RIC1: variants seen among roughly 807,000 people sequenced by gnomAD.
RIC1 encodes the protein RIC1 partner of RAB6A GEF complex, also known as guanine nucleotide exchange factor subunit RIC1.
RIC1 carries 88 observed loss-of-function variants against 169.0 expected under a neutral mutation model. That is an observed-to-expected ratio of 0.52 (90% CI 0.44 to 0.62). RIC1 has a LOEUF of 0.62. Among genes scored for constraint, RIC1 ranks in the 20% least tolerant of loss-of-function variants. RIC1 has a pLI of 0.00. For synonymous variants in RIC1, 790 were observed against 601.5 expected (o/e 1.31, Z -4.59); for missense variants, 1,877 against 1,725.5 (o/e 1.09, Z -1.56).
At chr9:5,656,849 T>A (rs1445561441) in intron 2 of RIC1, among the ~76,000 whole-genome samples, 159 bp downstream of exon 2, 1 of 152,214 alleles carries the variant, frequency 6.6e-6, no homozygotes, top group African/African-American at 2.4e-5. Context: ...TGTGGATTAC[T>A]CCTACTATAG....
rs576908246 is a variant in RIC1 at position 5,725,263 on chromosome 9, G to A, written c.720+4513G>A. ...TGTTATTGGTCTATTCAGGGATTCA[G>A]CTTCTTCCTGGTTTAGTCTTGGGAG... On this transcript the variant is annotated intron_variant, in intron 6 of 25. Transcript: ENST00000414202. Among the ~76,000 whole-genome samples the A allele has an allele frequency of 4.9e-4, 75 of 152,182 alleles. No homozygotes were observed. The Middle Eastern group carries it at 0.01, about 21-fold the overall frequency.
intron 21 of RIC1, 124 bp downstream of exon 21, chr9:5,765,922 T>G (rs1826703396): frequency 8.1e-7 from 1 of 1,239,048 alleles, no homozygotes; most frequent in African/African-American, 1.5e-5. Context: ...CTTTTTCCAT[T>G]CCCAAAAAGC....
intron 3 of RIC1, among the ~76,000 whole-genome samples, chr9:5,699,299 C>T (rs1353594292): frequency 1.3e-5 from 2 of 152,184 alleles, no homozygotes; most frequent in Non-Finnish European, 2.9e-5. Context: ...TGCATGGCCC[C>T]AGTCTGAGCG....
intron 1 of RIC1, among the ~76,000 whole-genome samples, chr9:5,638,462 A>T (rs969467225): frequency 6.6e-6 from 1 of 152,188 alleles, no homozygotes; most frequent in Non-Finnish European, 1.5e-5. Context: ...CAGTGAAACC[A>T]CTAGGTCTTG....
At chr9:5,734,737 A>G (rs1295353833) in intron 7 of RIC1, among the ~76,000 whole-genome samples, 1 of 152,202 alleles carries the variant, frequency 6.6e-6, no homozygotes, top group African/African-American at 2.4e-5. Context: ...CTCACTTAGT[A>G]ACTGGTCAAC....
chr9:5,704,451 A>G (rs956662300), intron 3 of RIC1, among the ~76,000 whole-genome samples: 4 of 152,024 alleles, frequency 2.6e-5, no homozygotes, highest in Admixed American at 1.3e-4. Context: ...GGCTCAAGCA[A>G]TCCTCCTGTC....
chr9:5,729,153 A>C (rs984612006), intron 6 of RIC1, among the ~76,000 whole-genome samples: 2 of 152,172 alleles, frequency 1.3e-5, no homozygotes, highest in Non-Finnish European at 2.9e-5. Flanking sequence ...AGCGGGTCCA[A>C]ATTCAAGATG....
intron 1 of RIC1, among the ~76,000 whole-genome samples, chr9:5,636,841 T>C (rs562863233): frequency 6.6e-6 from 1 of 152,350 alleles, no homozygotes; most frequent in East Asian, 1.9e-4. Context: ...TTTGCACTTA[T>C]GCTTTATTTC....
chr9:5,724,763 G>T (rs1004600678), intron 6 of RIC1, among the ~76,000 whole-genome samples: 6 of 152,170 alleles, frequency 3.9e-5, no homozygotes, highest in Non-Finnish European at 5.9e-5. Flanking sequence ...CTTTTTAGCA[G>T]GAAGGACTGT....
intron 17 of RIC1, 45 bp downstream of exon 17, chr9:5,757,496 T>C (rs1383664656): frequency 1.9e-6 from 3 of 1,604,974 alleles, no homozygotes; most frequent in Non-Finnish European, 2.6e-6. Context: ...CATTTCTGTT[T>C]TTAGTATTTG....
intron 3 of RIC1, among the ~76,000 whole-genome samples, chr9:5,711,291 C>G (rs1310700732): frequency 6.6e-6 from 1 of 152,078 alleles, no homozygotes; most frequent in East Asian, 1.9e-4. Flanking sequence ...TCAACATCCC[C>G]CTCTCCCCAT....
Position 5,688,528 on chromosome 9 carries a change from C to G in RIC1, c.253-1431C>G, listed in dbSNP as rs151110902. Among the ~76,000 whole-genome samples the G allele has an allele frequency of 4.5e-3, 689 of 152,212 alleles. 1 individual carries two copies. The highest frequency in any genetic ancestry group is 7.2e-3 in the Non-Finnish European group (492 of 68,006). ...GCCATTTTCCTTTTGCTTCCATACT[C>G]TCCATATTGCAAGAACATAAAATTG... On this transcript the variant is annotated intron_variant, in intron 2 of 25. Coordinates refer to ENST00000414202, the MANE Select transcript of RIC1 (RefSeq NM_020829.4).
At chr9:5,664,489 C>G (rs941393097) in intron 2 of RIC1, among the ~76,000 whole-genome samples, 3 of 151,914 alleles carry the variant, frequency 2.0e-5, no homozygotes, top group Non-Finnish European at 4.4e-5. Flanking sequence ...TATTGTTAGT[C>G]TCATGGGCCT....
At chr9:5,777,006 A>G (rs578212938), downstream of RIC1, among the ~76,000 whole-genome samples, 22 of 152,264 alleles carry the variant, frequency 1.4e-4, no homozygotes, top group South Asian at 4.1e-3. Context: ...GAACTTTTCT[A>G]TCTCACTTCT....
Position 5,772,543 on chromosome 9 carries a change from CTT to C in RIC1, c.3617-18_3617-17del. On this transcript the variant is annotated intron_variant, in intron 23 of 25. Coordinates refer to ENST00000414202, the MANE Select transcript of RIC1 (RefSeq NM_020829.4). The stretch of plus-strand genomic sequence containing the variant: ...ATTTTCTCCACGAAGTTGGTTGTAA[CTT>C]TTGGCAATTCTTCATCAGGTGATGA... The C allele has an allele frequency of 6.5e-7, 1 of 1,549,802 alleles. No homozygotes were observed. Among genetic ancestry groups the C allele is most frequent in the African/African-American group, 1.4e-5 (1 of 72,630 alleles).
intron 3 of RIC1, among the ~76,000 whole-genome samples, chr9:5,697,250 A>G (rs933802333): frequency 6.6e-6 from 1 of 152,148 alleles, no homozygotes; most frequent in Non-Finnish European, 1.5e-5. Context: ...AGGCTGCCAT[A>G]CTATGCTTGG....
intron 12 of RIC1, among the ~76,000 whole-genome samples, chr9:5,750,182 C>G (rs1825639239): frequency 6.6e-6 from 1 of 151,882 alleles, no homozygotes; most frequent in South Asian, 2.1e-4. Flanking sequence ...GGGGCACAAA[C>G]TATTGAAATT....
intron 3 of RIC1, among the ~76,000 whole-genome samples, chr9:5,693,448 C>A (rs940506099): frequency 6.6e-6 from 1 of 152,128 alleles, no homozygotes; most frequent in Non-Finnish European, 1.5e-5. Context: ...ACAATGGTGG[C>A]AGTCTTATTA....
intron 2 of RIC1, among the ~76,000 whole-genome samples, chr9:5,677,802 A>T (rs1262326900): frequency 6.6e-6 from 1 of 151,870 alleles, no homozygotes; most frequent in African/African-American, 2.4e-5. Flanking sequence ...TTTTGAAAAA[A>T]CTTCCACTGA....
Sources: gnomAD v4.1 joint callset for allele counts (sites outside exome capture counted in the v4.1 genomes callset) on GRCh38, gnomAD v4.1.1 for gene constraint, MANE v1.5 for transcripts, NCBI Gene and HGNC (gene_info 2026-07-23, HGNC 2026-07-21) for gene names.